Variants in MYL12A observed in about 807,000 individuals in gnomAD.
The protein encoded by MYL12A is myosin regulatory light chain 12A.
MYL12A carries 11 observed loss-of-function variants against 13.3 expected under a neutral mutation model. That is an observed-to-expected ratio of 0.83 (90% CI 0.52 to 1.37). The LOEUF (loss-of-function observed/expected upper bound fraction) is 1.37. Among genes scored for constraint, MYL12A ranks in the 40% most tolerant of loss-of-function variants. The pLI is 0.00. For missense variants in MYL12A, 146 were observed against 212.3 expected, an observed-to-expected ratio of 0.69 and a Z score of 1.94; for synonymous variants, 51 against 69.9, an observed-to-expected ratio of 0.73 and a Z score of 1.35.
In MYL12A at chr18:3,256,052, T is replaced by C. The variant is rs1237359477; in HGVS notation, c.*134T>C. On this transcript the variant is annotated 3_prime_UTR_variant, in exon 4 of 4. Coordinates refer to ENST00000217652, the MANE Select transcript of MYL12A (RefSeq NM_006471.4). The stretch of plus-strand genomic sequence containing the variant: ...TTCTCAGCCATTTTGGGCATATGTA[T>C]CTTTATAATCAGACTGGAAACGGGA... The C allele has an allele frequency of 2.0e-5, 23 of 1,145,118 alleles. No homozygotes were observed. The highest frequency in any genetic ancestry group is 2.8e-5 in the Non-Finnish European group (23 of 812,342). The allele number at this position is 1,145,118 out of a possible 1,614,324, so 70.9% of individuals were successfully genotyped here.
At chr18:3,248,144 C>T (rs189752112) in intron 1 of MYL12A, 1 of 152,524 alleles carries the variant, frequency 6.6e-6, no homozygotes, top group African/African-American at 2.4e-5. Flanking sequence ...GCGCCTTGAG[C>T]TTGGGCGACT....
Position 3,256,037 on chromosome 18 carries a change from T to C in MYL12A, c.*119T>C, listed in dbSNP as rs961738907. The C allele has an allele frequency of 6.0e-6, 8 of 1,324,120 alleles. No homozygotes were observed. In the Admixed American group the frequency reaches 2.1e-4, roughly 35 times the overall value. 82.0% of individuals were successfully genotyped at this position (1,324,120 alleles called of 1,614,324 possible). On this transcript the variant is annotated 3_prime_UTR_variant, in exon 4 of 4. Transcript: ENST00000217652. The stretch of plus-strand genomic sequence containing the variant: ...TTCCTGTTGTATTTATTCTCAGCCA[T>C]TTTGGGCATATGTATCTTTATAATC...
chr18:3,253,499 T>C, intron 2 of MYL12A, 71 bp downstream of exon 2: 3 of 1,539,568 alleles, frequency 1.9e-6, no homozygotes, highest in Non-Finnish European at 2.7e-6. Context: ...ATTTCATGAG[T>C]CTTAAAGCTC....
rs9953383 is a variant in MYL12A at position 3,254,200 on chromosome 18, C to T, written c.343+150C>T. On this transcript the variant is annotated intron_variant, in intron 3 of 3. Coordinates refer to ENST00000217652, the MANE Select transcript of MYL12A (RefSeq NM_006471.4). ...GTTCTCTTGGCATGTTTGTCACTCA[C>T]TTTGCTGCTTCTGCCCTAAGTAGTA... 1.6e-3 allele frequency: 1,491 copies of T among 922,396 alleles called. 27 individuals are homozygous for T. The African/African-American group carries it at 0.023, about 14-fold the overall frequency. The allele number at this position is 922,396 out of a possible 1,614,324, so 57.1% of individuals were successfully genotyped here. A position where few individuals can be genotyped will look rare whatever the true frequency, so the allele number is the denominator to read the frequency against.
chr18:3,254,143 A>G, intron 3 of MYL12A, 93 bp downstream of exon 3: 1 of 1,393,262 alleles, frequency 7.2e-7, no homozygotes, highest in Non-Finnish European at 9.8e-7. Flanking sequence ...TAACGCTCTC[A>G]GGTTTGTACT....
intron 3 of MYL12A, among the ~76,000 whole-genome samples, chr18:3,254,510 T>G (rs2081518649): frequency 1.3e-5 from 2 of 152,264 alleles, no homozygotes; most frequent in Admixed American, 6.5e-5. Flanking sequence ...TTAGACTATC[T>G]GGCTTCAAAT....
intron 1 of MYL12A, among the ~76,000 whole-genome samples, chr18:3,251,520 C>T (rs987668306): frequency 1.3e-5 from 2 of 152,148 alleles, no homozygotes; most frequent in Non-Finnish European, 2.9e-5. Flanking sequence ...GACTGGTAAA[C>T]GTGTCACTCA....
intron 1 of MYL12A, among the ~76,000 whole-genome samples, chr18:3,251,865 T>C (rs1259198771): frequency 6.6e-6 from 1 of 152,102 alleles, no homozygotes; most frequent in African/African-American, 2.4e-5. Context: ...TACGGTGCTG[T>C]ATTGGATGGG....
rs761526512 is a variant in MYL12A at position 3,253,252 on chromosome 18, C to G, written c.5C>G (p.Ser2Trp). Residue 2 changes from serine to tryptophan, a missense_variant, in exon 2 of 4, where the codon TCG becomes TGG. By Grantham distance (177) the Ser-to-Trp change is radical (BLOSUM62 -3). Transcript: ENST00000217652. M[S>W]SKRTKTKTKK... The stretch of plus-strand genomic sequence containing the variant: ...AATTAGGACTTAACCACCACCATGT[C>G]GAGCAAAAGAACAAAGACCAAGACC... The G allele has an allele frequency of 6.2e-7, 1 of 1,612,592 alleles. No individual in the cohort carries two copies. Among genetic ancestry groups the G allele is most frequent in the East Asian group, 2.2e-5 (1 of 44,872 alleles).
chr18:3,250,203 A>G (rs1567983105), intron 1 of MYL12A, among the ~76,000 whole-genome samples: 1 of 152,368 alleles, frequency 6.6e-6, no homozygotes, highest in Non-Finnish European at 1.5e-5. Flanking sequence ...CATGTACCCT[A>G]AAACTTAAAG....
Position 3,256,092 on chromosome 18 carries a change from C to A in MYL12A, c.*174C>A. Reference sequence around the variant, plus strand: ...TGGAAACGGGACTTTCTATTAATATCATTTTCAGAATAAAAAATAGGATAA... The same window carrying A: ...TGGAAACGGGACTTTCTATTAATATAATTTTCAGAATAAAAAATAGGATAA... On this transcript the variant is annotated 3_prime_UTR_variant, in exon 4 of 4. Transcript: ENST00000217652. 1 of 779,434 alleles carries A rather than the reference C, an allele frequency of 1.3e-6. No homozygotes were observed. Among genetic ancestry groups the A allele is most frequent in the Non-Finnish European group, 2.0e-6 (1 of 496,666 alleles). 48.3% of individuals were successfully genotyped at this position (779,434 alleles called of 1,614,324 possible). A position where few individuals can be genotyped will look rare whatever the true frequency, so the allele number is the denominator to read the frequency against.
intron 3 of MYL12A, among the ~76,000 whole-genome samples, chr18:3,254,660 C>T (rs3786457): frequency 0.71 from 108,255 of 152,186 alleles, 40,383 homozygotes; most frequent in Non-Finnish European, 0.82. Context: ...GTGAGATGTA[C>T]ATGAAGTACT....
At chr18:3,251,437 C>A (rs1004955227) in intron 1 of MYL12A, among the ~76,000 whole-genome samples, 1 of 152,132 alleles carries the variant, frequency 6.6e-6, no homozygotes, top group East Asian at 1.9e-4. Flanking sequence ...TGTTGTCACA[C>A]AAAACAGACT....
In MYL12A at chr18:3,254,041, G is replaced by T; in HGVS notation, c.334G>T (p.Glu112Ter). The T allele has an allele frequency of 6.2e-7, 1 of 1,612,082 alleles. No individual in the cohort carries two copies. Among genetic ancestry groups the T allele is most frequent in the Admixed American group, 1.7e-5 (1 of 59,510 alleles). Residue 112 changes from glutamate to a stop codon, truncating the protein, a stop_gained, in exon 3 of 4, where the codon GAA becomes TAA. Coordinates refer to ENST00000217652, the MANE Select transcript of MYL12A (RefSeq NM_006471.4). LOFTEE classifies it high-confidence loss of function. ...AAATGCCTTTGCTTGCTTTGATGAAGAAGCAACTGGTAAGTGAGAGGTAAC... is the reference window on the plus strand; with the variant it reads ...AAATGCCTTTGCTTGCTTTGATGAATAAGCAACTGGTAAGTGAGAGGTAAC... ...IRNAFACFDEEATGTIQEDYL... is the reference protein window; with the variant it reads ...IRNAFACFDE
rs1308834737 is a variant in MYL12A, at chr18:3,255,811, G to A, written c.409G>A (p.Glu137Lys). 9 of 1,614,038 alleles carry A rather than the reference G, an allele frequency of 5.6e-6. No homozygotes were observed. The South Asian group carries it at 7.7e-5, about 14-fold the overall frequency. ...CATGGGGGATCGGTTTACAGATGAG[G>A]AAGTGGATGAGCTGTACAGAGAAGC... Reference protein sequence around the residue: ...TTMGDRFTDEEVDELYREAPI... With the variant: ...TTMGDRFTDEKVDELYREAPI... Residue 137 changes from glutamate to lysine, a missense_variant, in exon 4 of 4, where the codon GAA becomes AAA. Coordinates refer to ENST00000217652, the MANE Select transcript of MYL12A (RefSeq NM_006471.4).
At chr18:3,250,980 G>C (rs1051512577) in intron 1 of MYL12A, among the ~76,000 whole-genome samples, 4 of 151,930 alleles carry the variant, frequency 2.6e-5, no homozygotes, top group African/African-American at 9.7e-5. Context: ...CTTGAAGATA[G>C]GACACATGCC....
chr18:3,253,226 T>G lies in MYL12A; in HGVS notation c.-15-7T>G. ...TTGGTTTTTATTGTATTTCCTTTCCTAATTAGGACTTAACCACCACCATGT... is the reference window on the plus strand; with the variant it reads ...TTGGTTTTTATTGTATTTCCTTTCCGAATTAGGACTTAACCACCACCATGT... On this transcript the variant is annotated splice_polypyrimidine_tract_variant and splice_region_variant and intron_variant, in intron 1 of 3. Coordinates refer to ENST00000217652, the MANE Select transcript of MYL12A (RefSeq NM_006471.4). 1 of 1,588,554 alleles carries G rather than the reference T, an allele frequency of 6.3e-7. No homozygotes were observed. Among genetic ancestry groups the G allele is most frequent in the South Asian group, 1.1e-5 (1 of 87,858 alleles).
chr18:3,253,701 A>G (rs1438837244), intron 2 of MYL12A, 188 bp from the exon 3 acceptor site: 5 of 724,686 alleles, frequency 6.9e-6, no homozygotes, highest in East Asian at 2.7e-5. Context: ...ATGGACTATC[A>G]TATACTTTCC....
At chr18:3,250,252 G>A (rs1262082268) in intron 1 of MYL12A, among the ~76,000 whole-genome samples, 5 of 152,078 alleles carry the variant, frequency 3.3e-5, no homozygotes, top group Non-Finnish European at 5.9e-5. Context: ...TAGATTAAGG[G>A]GTATACCCTA....
Sources: gnomAD v4.1 joint callset for allele counts (sites outside exome capture counted in the v4.1 genomes callset) on GRCh38, gnomAD v4.1.1 for gene constraint, MANE v1.5 for transcripts, NCBI Gene and HGNC (gene_info 2026-07-23, HGNC 2026-07-21) for gene names.